SPEG: variants seen among roughly 807,000 people sequenced by gnomAD.
SPEG encodes the protein striated muscle enriched protein kinase.
SPEG carries 114 observed loss-of-function variants against 300.4 expected under a neutral mutation model. That is an observed-to-expected ratio of 0.38 (90% CI 0.33 to 0.44). SPEG has a LOEUF of 0.44. Among genes scored for constraint, SPEG ranks in the 20% least tolerant of loss-of-function variants. SPEG has a pLI of 1.00. For missense variants in SPEG, 4,201 were observed against 4,586.2 expected (o/e 0.92, Z 2.43); for synonymous variants, 1,964 against 2,018.9 (o/e 0.97, Z 0.73).
At position 219,446,452 on chromosome 2, in the gene SPEG, T is replaced by A. The variant is rs1689296617; in HGVS notation, c.815+1291T>A. On this transcript the variant is annotated intron_variant, in intron 3 of 40. Transcript: ENST00000312358. ...TCTTCCCTGGGGACTCTGCGGCCCTTCCCCCAGAGAAGACACTTCCTCCCT... is the reference window on the plus strand; with the variant it reads ...TCTTCCCTGGGGACTCTGCGGCCCTACCCCCAGAGAAGACACTTCCTCCCT... 2.6e-5 allele frequency among the ~76,000 whole-genome samples: 4 copies of A among 152,030 alleles called. No individual in the cohort carries two copies. In the South Asian group the frequency reaches 8.3e-4, roughly 32 times the overall value.
intron 1 of SPEG, among the ~76,000 whole-genome samples, chr2:219,436,769 T>C (rs1954730787): frequency 1.3e-5 from 2 of 152,110 alleles, no homozygotes; most frequent in Non-Finnish European, 1.5e-5. Context: ...AGTACAGGCC[T>C]CCCGAGCCTG....
intron 1 of SPEG, among the ~76,000 whole-genome samples, chr2:219,435,952 G>A (rs1439837842): frequency 6.6e-6 from 1 of 152,220 alleles, no homozygotes; most frequent in Non-Finnish European, 1.5e-5. Context: ...CCGAGCCAGG[G>A]CCCCATGGGC....
rs376625081 is a variant in SPEG, at chr2:219,476,936, C to G, written c.4514C>G (p.Ala1505Gly). 1 of 1,607,550 alleles carries G rather than the reference C, an allele frequency of 6.2e-7. No homozygotes were observed. The highest frequency in any genetic ancestry group is 1.7e-5 in the Admixed American group (1 of 59,566). Reference sequence around the variant, plus strand: ...GGGGCTGGGGAAACTGCTCGCTTTGCGGTGGTGGTCGAGGGAAAACCACTG... The same window carrying G: ...GGGGCTGGGGAAACTGCTCGCTTTGGGGTGGTGGTCGAGGGAAAACCACTG... ...EVGAGETARF[A>G]VVVEGKPLPD... Residue 1505 changes from alanine (A) to glycine (G), a missense_variant, in exon 19 of 41, where the codon GCG (alanine) becomes GGG (glycine). Coordinates refer to ENST00000312358, the MANE Select transcript of SPEG (RefSeq NM_005876.5).
chr2:219,442,271 G>A lies in SPEG; in HGVS notation c.389-2382G>A, dbSNP rs567916878. On this transcript the variant is annotated intron_variant, in intron 1 of 40. Coordinates refer to ENST00000312358, the MANE Select transcript of SPEG (RefSeq NM_005876.5). ...GCGCCCGGGTCTGTGTCCTGAGCGC[G>A]CAGGCCCCTCCCCGCGCTGAAGGGC... Among the ~76,000 whole-genome samples, 14 of 151,708 alleles carry A rather than the reference G, an allele frequency of 9.2e-5. No individual in the cohort carries two copies. In the East Asian group the frequency reaches 2.8e-3, roughly 30 times the overall value.
Position 219,477,851 on chromosome 2 carries a change from G to C in SPEG, c.4827-54G>C. ...CTGCTGGGTCTGAGGGTTGGGAGGG[G>C]TGGAGAGGGCCACAGTGATGGCTGA... On this transcript the variant is annotated intron_variant, in intron 21 of 40. Coordinates refer to ENST00000312358, the MANE Select transcript of SPEG (RefSeq NM_005876.5). The surrounding 1 kb of genome is among the most constrained non-coding windows in gnomAD (Gnocchi z 6.4). 6.2e-7 allele frequency: 1 copy of C among 1,600,900 alleles called. No individual in the cohort carries two copies. Among genetic ancestry groups the C allele is most frequent in the Non-Finnish European group, 8.5e-7 (1 of 1,169,854 alleles).
Position 219,435,427 on chromosome 2 carries a change from G to C in SPEG, c.388+62G>C, listed in dbSNP as rs966714201. On this transcript the variant is annotated intron_variant, in intron 1 of 40. Transcript: ENST00000312358. ...GGGTGCTCAGAGGTAGAAAAGGGCT[G>C]CCCAGGCCACGCGGGTAAGGTACTG... is the stretch of plus-strand genomic sequence containing the variant. 2.7e-6 allele frequency: 4 copies of C among 1,469,004 alleles called. No individual in the cohort carries two copies. In the African/African-American group the frequency reaches 4.3e-5, roughly 16 times the overall value. 91.0% of individuals were successfully genotyped at this position (1,469,004 alleles called of 1,614,324 possible).
At position 219,484,898 on chromosome 2, in the gene SPEG, G is replaced by A. The variant is rs1306231542; in HGVS notation, c.7435G>A (p.Gly2479Ser). ...QRSGSSEDSGGASGRSTPLFG... is the reference protein window; with the variant it reads ...QRSGSSEDSGSASGRSTPLFG... ...CAGTGGCAGCAGCGAGGACTCGGGG[G>A]GCGCGTCGGGCCGCAGCACGCCGCT... is the stretch of plus-strand genomic sequence containing the variant. Residue 2479 changes from glycine to serine, a missense_variant, in exon 30 of 41, where the codon GGC becomes AGC. Gly to Ser is a moderately conservative substitution (Grantham distance 56). Coordinates refer to ENST00000312358, the MANE Select transcript of SPEG (RefSeq NM_005876.5). 3 of 1,525,814 alleles carry A rather than the reference G, an allele frequency of 2.0e-6. No homozygotes were observed. Among genetic ancestry groups the A allele is most frequent in the Non-Finnish European group, 8.7e-7 (1 of 1,143,774 alleles). 94.5% of individuals were successfully genotyped at this position (1,525,814 alleles called of 1,614,324 possible).
chr2:219,461,607 C>A, intron 6 of SPEG: 2 of 1,045,180 alleles, frequency 1.9e-6, no homozygotes, highest in Non-Finnish European at 2.5e-6. Flanking sequence ...GGCCCCTCTG[C>A]TGCCCGAACC....
intron 1 of SPEG, 139 bp downstream of exon 1, chr2:219,435,504 G>A (rs1472617255): frequency 1.5e-5 from 15 of 988,744 alleles, no homozygotes; most frequent in Non-Finnish European, 2.0e-5. Flanking sequence ...TCGGCTGCCC[G>A]GCCCCAGAAG....
intron 8 of SPEG, among the ~76,000 whole-genome samples, chr2:219,463,553 A>G (rs1323703473): frequency 1.3e-5 from 2 of 151,440 alleles, no homozygotes; most frequent in Non-Finnish European, 2.9e-5. Context: ...AGCTGGGATT[A>G]CAGGCATGTG....
At chr2:219,455,968 C>T (rs1810143) in intron 6 of SPEG, among the ~76,000 whole-genome samples, 1,670 of 152,322 alleles carry the variant, frequency 0.011, 20 homozygotes, top group South Asian at 0.024. Context: ...TATTTGAGCC[C>T]AGGATTCTTG....
Position 219,448,079 on chromosome 2 carries a change from G to A in SPEG, c.921G>A (p.Ala307=). 6.2e-7 allele frequency: 1 copy of A among 1,608,352 alleles called. No homozygotes were observed. The highest frequency in any genetic ancestry group is 2.2e-5 in the East Asian group (1 of 44,620). Residue 307 remains alanine, a synonymous_variant, in exon 4 of 41, where the codon GCG becomes GCA. Transcript: ENST00000312358. ...RPAQPPPSKS[A]LLPPPSPRVG... is the part of the protein sequence containing the mutation. ...CCCAGCCGCCTCCTTCCAAATCCGC[G>A]CTGCTCCCCCCACCGTCCCCTCGGG...
At position 219,485,385 on chromosome 2, in the gene SPEG, C is replaced by G. The variant is rs755360381; in HGVS notation, c.7649C>G (p.Ser2550Cys). 6 of 1,607,830 alleles carry G rather than the reference C, an allele frequency of 3.7e-6. No individual in the cohort carries two copies. The highest frequency in any genetic ancestry group is 5.1e-6 in the Non-Finnish European group (6 of 1,177,606). The change falls in exon 31 of 41, where the codon TCT (serine) becomes TGT (cysteine). Residue 2550 changes from serine (S) to cysteine (C), a missense_variant. Transcript: ENST00000312358. ...ESRSRLRWGFSRPRKDKGLSP... is the reference protein window; with the variant it reads ...ESRSRLRWGFCRPRKDKGLSP... ...CGAAGCCGGCTCCGCTGGGGCTTCTCTCGGCCGCGGAAGGACAAGGGGTTA... is the reference window on the plus strand; with the variant it reads ...CGAAGCCGGCTCCGCTGGGGCTTCTGTCGGCCGCGGAAGGACAAGGGGTTA...
chr2:219,435,650 G>A (rs1192556517), intron 1 of SPEG, among the ~76,000 whole-genome samples: 3 of 152,210 alleles, frequency 2.0e-5, no homozygotes, highest in African/African-American at 4.8e-5. Context: ...GGAATTCTGG[G>A]GTGGAAGTTC....
At position 219,483,789 on chromosome 2, in the gene SPEG, C is replaced by A; in HGVS notation, c.6326C>A (p.Ser2109Tyr). ...GACCCCCGGATGGCACGAGCTGCCT[C>A]CAGCGAGGCAGCGCCCCACCACCAG... ...ARDPRMARAA[S>Y]SEAAPHHQPP... The change falls in exon 30 of 41, where the codon TCC (serine) becomes TAC (tyrosine). Residue 2109 changes from serine (S) to tyrosine (Y), a missense_variant. By Grantham distance (144) the Ser-to-Tyr change is moderately radical. Transcript: ENST00000312358. The A allele has an allele frequency of 6.4e-7, 1 of 1,563,576 alleles. No homozygotes were observed. Among genetic ancestry groups the A allele is most frequent in the Non-Finnish European group, 8.6e-7 (1 of 1,162,014 alleles).
chr2:219,487,585 A>T (rs1418736777), intron 31 of SPEG, among the ~76,000 whole-genome samples: 1 of 152,168 alleles, frequency 6.6e-6, no homozygotes, highest in Non-Finnish European at 1.5e-5. Context: ...CACTTAATTG[A>T]CCTGAAGGAG....
In SPEG at chr2:219,449,078, C is replaced by G; in HGVS notation, c.1920C>G (p.Phe640Leu). ...AGCCCCCGGCGCAGGCCGTGCGCTTCCTGCCCTGGGCCACGCCGGGCCTGG... is the reference window on the plus strand; with the variant it reads ...AGCCCCCGGCGCAGGCCGTGCGCTTGCTGCCCTGGGCCACGCCGGGCCTGG... ...KREPPAQAVR[F>L]LPWATPGLEG... Residue 640 changes from phenylalanine (F) to leucine (L), a missense_variant, in exon 4 of 41, where the codon TTC becomes TTG. Physicochemically the swap from Phe to Leu is conservative, Grantham distance 22. Around this residue, in one of 4 missense-constraint regions of SPEG, gnomAD observed 1,258 missense variants for 1,293.9 expected, o/e 0.97. Coordinates refer to ENST00000312358, the MANE Select transcript of SPEG (RefSeq NM_005876.5). 2 of 1,516,030 alleles carry G rather than the reference C, an allele frequency of 1.3e-6. No homozygotes were observed. Among genetic ancestry groups the G allele is most frequent in the Non-Finnish European group, 1.8e-6 (2 of 1,131,810 alleles). The allele number at this position is 1,516,030 out of a possible 1,614,324, so 93.9% of individuals were successfully genotyped here. A position where few individuals can be genotyped will look rare whatever the true frequency, so the allele number is the denominator to read the frequency against.
rs756208645 is a variant in SPEG at position 219,461,983 on chromosome 2, C to G, written c.2542C>G (p.Pro848Ala). ...GCCTGGGGAGACCTGGCCGCGAACC[C>G]CCACCATGAAGCCCAGTCCCAGCCA... The part of the protein sequence containing the change: ...PEPGETWPRT[P>A]TMKPSPSQNR... Residue 848 changes from proline to alanine, a missense_variant, in exon 7 of 41, where the codon CCC (proline) becomes GCC (alanine). Physicochemically the swap from Pro to Ala is conservative, Grantham distance 27 (BLOSUM62 -1). Transcript: ENST00000312358. The G allele has an allele frequency of 3.1e-6, 5 of 1,613,686 alleles. No individual in the cohort carries two copies. The highest frequency in any genetic ancestry group is 3.4e-6 in the Non-Finnish European group (4 of 1,179,880).
Position 219,484,071 on chromosome 2 carries a change from C to T in SPEG, c.6608C>T (p.Pro2203Leu), listed in dbSNP as rs1693133645. The part of the protein sequence containing the change: ...EPSATTPSDA[P>L]QPPAPQPAQD... Reference sequence around the variant, plus strand: ...TCTGCCACCACACCTAGTGATGCTCCGCAGCCCCCCGCACCCCAGCCTGCC... The same window carrying T: ...TCTGCCACCACACCTAGTGATGCTCTGCAGCCCCCCGCACCCCAGCCTGCC... The change falls in exon 30 of 41, where the codon CCG (proline) becomes CTG (leucine). Residue 2203 changes from proline (P) to leucine (L), a missense_variant. Pro to Leu is a moderately conservative substitution (Grantham distance 98, BLOSUM62 -3). Around this residue, in one of 4 missense-constraint regions of SPEG, gnomAD observed 1,578 missense variants for 1,506.0 expected, o/e 1.05. Transcript: ENST00000312358. The T allele has an allele frequency of 2.5e-6, 4 of 1,613,590 alleles. No individual in the cohort carries two copies. The highest frequency in any genetic ancestry group is 1.1e-5 in the South Asian group (1 of 91,076).
Sources: gnomAD v4.1 joint callset for allele counts (sites outside exome capture counted in the v4.1 genomes callset) on GRCh38, gnomAD v4.1.1 for gene constraint, gnomAD v4.1.1 regional missense constraint, Gnocchi (gnomAD v3.1) non-coding constraint, MANE v1.5 for transcripts, NCBI Gene and HGNC (gene_info 2026-07-23, HGNC 2026-07-21) for gene names.